Variants in SLCO5A1 observed in about 807,000 individuals in gnomAD.
SLCO5A1 encodes the protein solute carrier organic anion transporter family member 5A1.
In SLCO5A1, 39 loss-of-function variants were observed where a neutral mutation model predicts 65.1. The observed-to-expected ratio is 0.60, with a 90% CI of 0.46 to 0.78. SLCO5A1 has a LOEUF of 0.78. Ranked by LOEUF, SLCO5A1 falls within the 30% of genes least tolerant of loss-of-function variation. The probability of loss-of-function intolerance (pLI) is 0.00; values close to 1 mark genes in which losing one functional copy is unlikely to be tolerated. For missense variants in SLCO5A1, 1,029 were observed against 1,069.4 expected (o/e 0.96, Z 0.53); for synonymous variants, 438 against 415.7 (o/e 1.05, Z -0.65).
intron 8 of SLCO5A1, among the ~76,000 whole-genome samples, chr8:69,676,985 AT>A (rs1000183531): frequency 4.6e-5 from 7 of 151,120 alleles, no homozygotes; most frequent in Non-Finnish European, 8.9e-5. Flanking sequence ...AATCAGATCC[AT>A]TTTTTTTTAA....
intron 2 of SLCO5A1, among the ~76,000 whole-genome samples, chr8:69,788,514 C>T (rs966787463): frequency 6.6e-6 from 1 of 152,114 alleles, no homozygotes; most frequent in Non-Finnish European, 1.5e-5. Flanking sequence ...GCCAACTCAG[C>T]TTGCAAACTC....
chr8:69,818,218 T>C (rs910439272), intron 2 of SLCO5A1, among the ~76,000 whole-genome samples: 1 of 152,196 alleles, frequency 6.6e-6, no homozygotes, highest in African/African-American at 2.4e-5. Context: ...CCTGATGAAG[T>C]AGAACTGCAA....
chr8:69,696,070 C>T (rs1215764443), intron 6 of SLCO5A1, among the ~76,000 whole-genome samples: 1 of 152,152 alleles, frequency 6.6e-6, no homozygotes, highest in African/African-American at 2.4e-5. Context: ...CCAATCAGCA[C>T]ATTATGTAAT....
At chr8:69,726,125 C>T (rs745943607) in intron 5 of SLCO5A1, among the ~76,000 whole-genome samples, 61 of 152,302 alleles carry the variant, frequency 4.0e-4, no homozygotes, top group Non-Finnish European at 6.9e-4. Flanking sequence ...CCCAGACATA[C>T]GGACTGTGCT....
intron 2 of SLCO5A1, among the ~76,000 whole-genome samples, chr8:69,805,337 C>T (rs556810855): frequency 3.0e-4 from 46 of 152,196 alleles, no homozygotes; most frequent in African/African-American, 1.1e-3. Context: ...CCTGAAATCC[C>T]CCAGGAGGGA....
chr8:69,741,289 A>G (rs1816778538), intron 4 of SLCO5A1, among the ~76,000 whole-genome samples: 1 of 152,252 alleles, frequency 6.6e-6, no homozygotes, highest in African/African-American at 2.4e-5. Flanking sequence ...GCAATTGACC[A>G]TAAGTTCAAT....
chr8:69,700,344 T>G (rs561901674), intron 6 of SLCO5A1: 24 of 152,294 alleles, frequency 1.6e-4, no homozygotes, highest in African/African-American at 5.8e-4. Context: ...CCTGCGTCCC[T>G]CCTGAAGCTG....
chr8:69,672,976 T>A lies in SLCO5A1; in HGVS notation c.2440A>T (p.Ile814Phe). Residue 814 changes from isoleucine to phenylalanine, a missense_variant, in exon 10 of 10, where the codon ATC (isoleucine) becomes TTC (phenylalanine). This residue lies in a region of SLCO5A1 where 258 missense variants were observed against 237.4 expected (regional missense o/e 1.09). Coordinates refer to ENST00000260126, the MANE Select transcript of SLCO5A1 (RefSeq NM_030958.3). ...GGGTAGGTCTGTGCTGCGCACTGGA[T>A]CCCTTTTTGCAGGCCAGTCTCTTCG... Reference protein sequence around the residue: ...FHEETGLQKGIQCAAQTYPGP... With the variant: ...FHEETGLQKGFQCAAQTYPGP... 2 of 1,614,206 alleles carry A rather than the reference T, an allele frequency of 1.2e-6. No homozygotes were observed. The highest frequency in any genetic ancestry group is 1.7e-6 in the Non-Finnish European group (2 of 1,180,036).
Position 69,807,372 on chromosome 8 carries a change from C to A in SLCO5A1, c.907+24395G>T, listed in dbSNP as rs10104942. The stretch of plus-strand genomic sequence containing the variant: ...TGTGGTAAGACATTTAAAATCCTTT[C>A]TTTTTGTTATTTTCAGATATACAAT... On this transcript the variant is annotated intron_variant, in intron 2 of 9. Coordinates refer to ENST00000260126, the MANE Select transcript of SLCO5A1 (RefSeq NM_030958.3). Among the ~76,000 whole-genome samples, 1,152 of 152,252 alleles carry A rather than the reference C, an allele frequency of 7.6e-3. 16 individuals are homozygous for A. The highest frequency in any genetic ancestry group is 0.026 in the African/African-American group (1,092 of 41,550).
intron 2 of SLCO5A1, chr8:69,794,383 A>G (rs768305456): frequency 9.3e-6 from 4 of 432,428 alleles, no homozygotes; most frequent in Non-Finnish European, 1.8e-5. Flanking sequence ...ATCATTGTAA[A>G]GATGGTGAAT....
At chr8:69,709,078 C>A (rs1442208298) in intron 5 of SLCO5A1, among the ~76,000 whole-genome samples, 2 of 152,070 alleles carry the variant, frequency 1.3e-5, no homozygotes, top group East Asian at 3.9e-4. Flanking sequence ...AACCAGACTG[C>A]GATGGGTTGA....
At chr8:69,690,023 G>A (rs112741331) in intron 6 of SLCO5A1, among the ~76,000 whole-genome samples, 1 of 149,814 alleles carries the variant, frequency 6.7e-6, no homozygotes, top group Non-Finnish European at 1.5e-5. Flanking sequence ...AGCAAGGCCG[G>A]TGGACCCCGC....
intron 5 of SLCO5A1, 111 bp downstream of exon 5, chr8:69,737,929 G>C: frequency 8.7e-7 from 1 of 1,149,248 alleles, no homozygotes; most frequent in East Asian, 2.6e-5. Flanking sequence ...AAAGGTAGCT[G>C]TTAATGAACT....
chr8:69,705,885 T>C (rs189674238), intron 5 of SLCO5A1, among the ~76,000 whole-genome samples: 1 of 152,366 alleles, frequency 6.6e-6, no homozygotes. Flanking sequence ...AGTTTGGCAT[T>C]ATCTGGTAGA....
At chr8:69,831,706 T>G in intron 2 of SLCO5A1, 61 bp downstream of exon 2, 1 of 1,501,054 alleles carries the variant, frequency 6.7e-7, no homozygotes, top group South Asian at 1.2e-5. Flanking sequence ...CTTTTGATTT[T>G]TGTAAGGAAA....
chr8:69,738,265 A>T, intron 4 of SLCO5A1, 61 bp from the exon 5 acceptor site: 1 of 1,444,488 alleles, frequency 6.9e-7, no homozygotes, highest in Non-Finnish European at 9.3e-7. Context: ...ACAAAATAAA[A>T]CTGAATTGTT....
At chr8:69,677,457 A>G (rs546117583) in intron 8 of SLCO5A1, among the ~76,000 whole-genome samples, 2 of 152,236 alleles carry the variant, frequency 1.3e-5, no homozygotes, top group Non-Finnish European at 2.9e-5. Context: ...GAGTAAATTT[A>G]TGAATGATTC....
At chr8:69,677,834 G>A (rs1813611660) in intron 8 of SLCO5A1, among the ~76,000 whole-genome samples, 1 of 152,176 alleles carries the variant, frequency 6.6e-6, no homozygotes, top group Admixed American at 6.5e-5. Flanking sequence ...GCCCAGCATT[G>A]TGGCATCTGA....
intron 2 of SLCO5A1, among the ~76,000 whole-genome samples, chr8:69,781,517 T>C (rs1456325034): frequency 1.3e-5 from 2 of 152,232 alleles, no homozygotes; most frequent in African/African-American, 4.8e-5. Context: ...ATAGAACTGT[T>C]ACTATAAGAT....
Sources: gnomAD v4.1 joint callset for allele counts (sites outside exome capture counted in the v4.1 genomes callset) on GRCh38, gnomAD v4.1.1 for gene constraint, gnomAD v4.1.1 regional missense constraint, MANE v1.5 for transcripts, NCBI Gene and HGNC (gene_info 2026-07-23, HGNC 2026-07-21) for gene names.